Variants in HSD11B1 observed in about 807,000 individuals in gnomAD.
HSD11B1 encodes the protein 11-beta-hydroxysteroid dehydrogenase 1.
Under a neutral mutation model 22.1 loss-of-function variants are expected in HSD11B1, and 15 were observed. The ratio of observed to expected loss-of-function variants is 0.68; its 90% CI spans 0.45 to 1.04. The LOEUF (loss-of-function observed/expected upper bound fraction) is 1.04, where lower values mean the gene tolerates loss of function less well. Among genes scored for constraint, HSD11B1 ranks in the 50% least tolerant of loss-of-function variants. The pLI is 0.00. For missense variants in HSD11B1, 281 were observed against 357.6 expected, an observed-to-expected ratio of 0.79 and a Z score of 1.73; for synonymous variants, 122 against 125.2, an observed-to-expected ratio of 0.97 and a Z score of 0.17.
chr1:209,714,766 C>T (rs188093973), intron 4 of HSD11B1, among the ~76,000 whole-genome samples: 1 of 152,096 alleles, frequency 6.6e-6, no homozygotes, highest in Non-Finnish European at 1.5e-5. Context: ...GCATCTTCAC[C>T]GGGGAGGAAG....
intron 4 of HSD11B1, among the ~76,000 whole-genome samples, chr1:209,730,027 G>T (rs2077026221): frequency 6.6e-6 from 1 of 152,122 alleles, no homozygotes; most frequent in South Asian, 2.1e-4. Context: ...ATATCTTACT[G>T]AACTGGACAA....
upstream of HSD11B1, among the ~76,000 whole-genome samples, chr1:209,701,524 T>C (rs552585119): frequency 6.6e-6 from 1 of 152,300 alleles, no homozygotes; most frequent in African/African-American, 2.4e-5. Flanking sequence ...TCTCATGTAA[T>C]GCAAAGATCC....
chr1:209,731,157 C>T (rs775546349), intron 4 of HSD11B1, among the ~76,000 whole-genome samples: 6 of 152,358 alleles, frequency 3.9e-5, no homozygotes, highest in Admixed American at 6.5e-5. Flanking sequence ...GAATCCTATA[C>T]ATAAGCTCTG....
At chr1:209,720,374 G>A (rs555625171) in intron 4 of HSD11B1, among the ~76,000 whole-genome samples, 1 of 152,128 alleles carries the variant, frequency 6.6e-6, no homozygotes, top group South Asian at 2.1e-4. Context: ...TCCAAACTGA[G>A]GGACATCCAT....
At chr1:209,700,515 C>G (rs2076820323), upstream of HSD11B1, among the ~76,000 whole-genome samples, 1 of 152,166 alleles carries the variant, frequency 6.6e-6, no homozygotes, top group Admixed American at 6.5e-5. Context: ...CTTTTTCCTC[C>G]TAGGCTCCAG....
At chr1:209,687,945 A>G (rs1488219539) in intron 1 of HSD11B1, among the ~76,000 whole-genome samples, 2 of 152,244 alleles carry the variant, frequency 1.3e-5, no homozygotes, top group African/African-American at 4.8e-5. Flanking sequence ...ACCATTGATC[A>G]GCATTTTACA....
chr1:209,686,924 C>T (rs2076732037), intron 1 of HSD11B1, among the ~76,000 whole-genome samples: 2 of 152,164 alleles, frequency 1.3e-5, no homozygotes, highest in African/African-American at 4.8e-5. Flanking sequence ...AATCCTAGTC[C>T]AGCTGGGCTG....
chr1:209,700,402 A>C (rs2076819660), upstream of HSD11B1, among the ~76,000 whole-genome samples: 1 of 152,216 alleles, frequency 6.6e-6, no homozygotes, highest in African/African-American at 2.4e-5. Flanking sequence ...CTAAAGCCTG[A>C]GCTCTAGGCT....
intron 1 of HSD11B1, among the ~76,000 whole-genome samples, chr1:209,689,748 C>T (rs115057147): frequency 1.2e-4 from 18 of 152,244 alleles, no homozygotes; most frequent in African/African-American, 3.9e-4. Flanking sequence ...GTGGAGATGT[C>T]GGCACCGTGC....
chr1:209,719,792 A>T (rs1175748211), intron 4 of HSD11B1, among the ~76,000 whole-genome samples: 1 of 151,990 alleles, frequency 6.6e-6, no homozygotes, highest in Non-Finnish European at 1.5e-5. Context: ...TGCTTAATCC[A>T]CTCTATCATT....
intron 4 of HSD11B1, among the ~76,000 whole-genome samples, chr1:209,718,632 G>T (rs1218668948): frequency 6.6e-6 from 1 of 152,196 alleles, no homozygotes; most frequent in Non-Finnish European, 1.5e-5. Context: ...TGATGGGAAT[G>T]TAAAATGGTA....
intron 4 of HSD11B1, 139 bp downstream of exon 4, chr1:209,707,267 T>C (rs2076866359): frequency 1.3e-6 from 1 of 746,726 alleles, no homozygotes; most frequent in Non-Finnish European, 2.3e-6. Context: ...GTAAGTGGGC[T>C]ACAAAATTCT....
intron 4 of HSD11B1, among the ~76,000 whole-genome samples, chr1:209,725,452 C>T (rs1304698898): frequency 6.6e-6 from 1 of 152,176 alleles, no homozygotes; most frequent in East Asian, 1.9e-4. Flanking sequence ...GTGGAGTTTC[C>T]TGATAGTCCA....
At chr1:209,707,165 A>G (rs1453602048) in intron 4 of HSD11B1, 37 bp downstream of exon 4, 2 of 1,393,932 alleles carry the variant, frequency 1.4e-6, no homozygotes, top group South Asian at 1.3e-5. Context: ...AGGTAGAAGA[A>G]AAAAAAAAAT....
At chr1:209,719,784 C>T (rs371847059) in intron 4 of HSD11B1, among the ~76,000 whole-genome samples, 2 of 152,174 alleles carry the variant, frequency 1.3e-5, no homozygotes, top group South Asian at 4.1e-4. Flanking sequence ...GCCACATTTG[C>T]TTAATCCACT....
rs1050598308 is a variant in HSD11B1, at chr1:209,705,914, A to G, written c.192A>G (p.Thr64=). ...AGATGGGAGCCCATGTGGTGGTGAC[A>G]GCGAGGTCAAAAGAAACTCTACAGA... ...LAKMGAHVVV[T]ARSKETLQKV... is the part of the protein sequence containing the mutation. Residue 64 remains threonine (T), a synonymous_variant, in exon 2 of 6, where the codon ACA becomes ACG. Transcript: ENST00000367027. 2 of 1,614,010 alleles carry G rather than the reference A, an allele frequency of 1.2e-6. No homozygotes were observed. Among genetic ancestry groups the G allele is most frequent in the Admixed American group, 3.3e-5 (2 of 60,012 alleles).
chr1:209,717,825 T>C (rs1315766719), intron 4 of HSD11B1, among the ~76,000 whole-genome samples: 1 of 124,704 alleles, frequency 8.0e-6, no homozygotes, highest in East Asian at 2.3e-4. Flanking sequence ...TGAGCCAAGA[T>C]AGCACCACTG....
rs1023507292 is a variant in HSD11B1, at chr1:209,705,720, A to G, written c.89-91A>G. 14 of 1,517,104 alleles carry G rather than the reference A, an allele frequency of 9.2e-6. No individual in the cohort carries two copies. The African/African-American group carries it at 1.9e-4, about 21-fold the overall frequency. 94.0% of individuals were successfully genotyped at this position (1,517,104 alleles called of 1,614,324 possible). ...CTGGGCTCATAACCTTTAAGTTACA[A>G]ATTGCGATAAGCATGCCTATATCCA... On this transcript the variant is annotated intron_variant, in intron 1 of 5. Coordinates refer to ENST00000367027, the MANE Select transcript of HSD11B1 (RefSeq NM_005525.4).
intron 1 of HSD11B1, among the ~76,000 whole-genome samples, chr1:209,696,788 G>T (rs1033552119): frequency 6.6e-6 from 1 of 152,180 alleles, no homozygotes; most frequent in Admixed American, 6.5e-5. Flanking sequence ...GAGAAAAAAA[G>T]CATGGTAGAA....
Sources: gnomAD v4.1 joint callset for allele counts (sites outside exome capture counted in the v4.1 genomes callset) on GRCh38, gnomAD v4.1.1 for gene constraint, MANE v1.5 for transcripts, NCBI Gene and HGNC (gene_info 2026-07-23, HGNC 2026-07-21) for gene names.